Variants in KMT2B observed in about 807,000 individuals in gnomAD.
KMT2B encodes the protein lysine methyltransferase 2B.
Under a neutral mutation model 255.3 loss-of-function variants are expected in KMT2B, and 22 were observed. The observed-to-expected ratio is 0.09, with a 90% CI of 0.06 to 0.12. The LOEUF is 0.12. KMT2B is among the 10% of genes least tolerant of loss of function. KMT2B has a pLI of 1.00. For missense variants in KMT2B, 3,149 were observed against 3,737.0 expected (o/e 0.84, Z 4.10); for synonymous variants, 1,730 against 1,498.1 (o/e 1.15, Z -3.57).
intron 22 of KMT2B, 60 bp downstream of exon 22, chr19:35,729,356 G>A: frequency 2.0e-6 from 3 of 1,537,664 alleles, no homozygotes; most frequent in Non-Finnish European, 1.8e-6. Context: ...GCCTCCTCCG[G>A]TGCAAACAGC....
Position 35,732,283 on chromosome 19 carries a change from C to G in KMT2B, c.5734C>G (p.Arg1912Gly). ...CCCGGACTTCCCAGCTCCCCCCAGA[C>G]GTTCCCGTCGTCCCAGCCCTTTGGC... ...GDPDFPAPPR[R>G]SRRPSPLAPR... Residue 1912 changes from arginine (R) to glycine (G), a missense_variant, in exon 28 of 37, where the codon CGT becomes GGT. Around this residue, in one of 18 missense-constraint regions of KMT2B, gnomAD observed 897 missense variants for 825.3 expected, o/e 1.09. Coordinates refer to ENST00000420124, the MANE Select transcript of KMT2B (RefSeq NM_014727.3). The G allele has an allele frequency of 6.2e-7, 1 of 1,610,648 alleles. No individual in the cohort carries two copies. The highest frequency in any genetic ancestry group is 8.5e-7 in the Non-Finnish European group (1 of 1,178,516).
In KMT2B at chr19:35,718,217, C is replaced by T. The variant is rs1568365816; in HGVS notation, c.199C>T (p.Leu67=). The change falls in exon 1 of 37, where the codon CTG becomes TTG. Residue 67 remains leucine, a synonymous_variant. Coordinates refer to ENST00000420124, the MANE Select transcript of KMT2B (RefSeq NM_014727.3). The surrounding 1 kb of genome is among the most constrained non-coding windows in gnomAD (Gnocchi z 5.0). Reference sequence around the variant, plus strand: ...AGCCGAGCCCGGGGAGGACACGGCCCTGCTCCGTTTGCTGGGGCTCCGCCG... The same window carrying T: ...AGCCGAGCCCGGGGAGGACACGGCCTTGCTCCGTTTGCTGGGGCTCCGCCG... ...GGAEPGEDTA[L]LRLLGLRRGL... 8.5e-7 allele frequency: 1 copy of T among 1,170,720 alleles called. No individual in the cohort carries two copies. Among genetic ancestry groups the T allele is most frequent in the South Asian group, 4.2e-5 (1 of 23,800 alleles). The allele number at this position is 1,170,720 out of a possible 1,614,324, so 72.5% of individuals were successfully genotyped here.
rs1969039357 is a variant in KMT2B at position 35,718,350 on chromosome 19, A to T, written c.332A>T (p.Glu111Val). 1.6e-6 allele frequency: 2 copies of T among 1,262,078 alleles called. No homozygotes were observed. Among genetic ancestry groups the T allele is most frequent in the Admixed American group, 7.6e-5 (2 of 26,462 alleles). 78.2% of individuals were successfully genotyped at this position (1,262,078 alleles called of 1,614,324 possible). The change falls in exon 1 of 37, where the codon GAG (glutamate) becomes GTG (valine). Residue 111 changes from glutamate to valine, a missense_variant. Transcript: ENST00000420124. The surrounding 1 kb of genome is among the most constrained non-coding windows in gnomAD (Gnocchi z 5.0). ...CCGAGTCGAGGCTGCGTGCCGGAGGAGGAGAGCAGTGACGGGGAATCCGAC... is the reference window on the plus strand; with the variant it reads ...CCGAGTCGAGGCTGCGTGCCGGAGGTGGAGAGCAGTGACGGGGAATCCGAC... ...WGPSRGCVPE[E>V]ESSDGESDEE...
chr19:35,727,428 G>A lies in KMT2B; in HGVS notation c.4118-10G>A. 6.2e-7 allele frequency: 1 copy of A among 1,613,188 alleles called. No homozygotes were observed. The highest frequency in any genetic ancestry group is 1.1e-5 in the South Asian group (1 of 91,082). On this transcript the variant is annotated splice_polypyrimidine_tract_variant and intron_variant, in intron 15 of 36. Coordinates refer to ENST00000420124, the MANE Select transcript of KMT2B (RefSeq NM_014727.3). The surrounding 1 kb of genome is among the most constrained non-coding windows in gnomAD (Gnocchi z 4.2). ...AAACCACTTTTCCCTTTCCCACTTG[G>A]CTATCCTAGATGAAGACTACGAGAT...
intron 8 of KMT2B, among the ~76,000 whole-genome samples, 174 bp downstream of exon 8, chr19:35,724,181 C>T (rs1166430640): frequency 6.6e-6 from 1 of 152,096 alleles, no homozygotes; most frequent in African/African-American, 2.4e-5. Context: ...ATGAGGTTCT[C>T]AGTGAGCCTA....
At position 35,732,829 on chromosome 19, in the gene KMT2B, G is replaced by A; in HGVS notation, c.6280G>A (p.Gly2094Arg). 6.2e-7 allele frequency: 1 copy of A among 1,607,244 alleles called. No homozygotes were observed. ...PPSGPGVVRA[G>R]VLGAAGDRAR... ...TTCGGGGCCAGGAGTAGTCCGGGCA[G>A]GGGTCCTTGGGGCTGCAGGGGACAG... Residue 2094 changes from glycine (G) to arginine (R), a missense_variant, in exon 28 of 37, where the codon GGG (glycine) becomes AGG (arginine). Physicochemically the swap from Gly to Arg is moderately radical, Grantham distance 125. This residue lies in a region of KMT2B where 897 missense variants were observed against 825.3 expected (regional missense o/e 1.09). Coordinates refer to ENST00000420124, the MANE Select transcript of KMT2B (RefSeq NM_014727.3).
In KMT2B at chr19:35,721,260, C is replaced by T; in HGVS notation, c.1913C>T (p.Ala638Val). The change falls in exon 3 of 37, where the codon GCC (alanine) becomes GTC (valine). Residue 638 changes from alanine to valine, a missense_variant. Coordinates refer to ENST00000420124, the MANE Select transcript of KMT2B (RefSeq NM_014727.3). The stretch of plus-strand genomic sequence containing the variant: ...GCCCCCTCCCCACCCCCTGCTCCTG[C>T]CACCTCCTCCCGGAGGCCCCTACTC... Reference protein sequence around the residue: ...PPAPSPPPAPATSSRRPLLLR... With the variant: ...PPAPSPPPAPVTSSRRPLLLR... The T allele has an allele frequency of 4.6e-6, 7 of 1,526,418 alleles. No homozygotes were observed. Among genetic ancestry groups the T allele is most frequent in the Non-Finnish European group, 6.2e-6 (7 of 1,137,294 alleles). The allele number at this position is 1,526,418 out of a possible 1,614,324, so 94.6% of individuals were successfully genotyped here.
In KMT2B at chr19:35,727,268, A is replaced by G. The variant is rs1207359065; in HGVS notation, c.4116A>G (p.Ser1372=). 5 of 1,611,604 alleles carry G rather than the reference A, an allele frequency of 3.1e-6. No individual in the cohort carries two copies. The East Asian group carries it at 8.9e-5, about 29-fold the overall frequency. Reference sequence around the variant, plus strand: ...TGCATGCCAAGTGCGAGGGGCTCTCAGGTGAGTCAGTGGAGCACCTGGGCT... The same window carrying G: ...TGCATGCCAAGTGCGAGGGGCTCTCGGGTGAGTCAGTGGAGCACCTGGGCT... The part of the protein sequence containing the change: ...HWVHAKCEGL[S]DEDYEILSGL... Residue 1372 remains serine, a splice_region_variant and synonymous_variant, in exon 15 of 37, where the codon TCA becomes TCG. Coordinates refer to ENST00000420124, the MANE Select transcript of KMT2B (RefSeq NM_014727.3). This position sits in a 1 kb window ranked among gnomAD's most constrained non-coding sequence, Gnocchi z 4.2.
Position 35,728,908 on chromosome 19 carries a change from C to G in KMT2B, c.4687+19C>G. On this transcript the variant is annotated intron_variant, in intron 20 of 36. Coordinates refer to ENST00000420124, the MANE Select transcript of KMT2B (RefSeq NM_014727.3). ...TCAGCAGGTACTGGGAAGTGGGGGT[C>G]CAGAAGCCAGGGCCCTGTGTTGGTG... 1.9e-6 allele frequency: 3 copies of G among 1,612,358 alleles called. No individual in the cohort carries two copies. Among genetic ancestry groups the G allele is most frequent in the Non-Finnish European group, 2.5e-6 (3 of 1,178,434 alleles).
At chr19:35,728,649 C>G in intron 19 of KMT2B, 125 bp from the exon 20 acceptor site, 1 of 715,736 alleles carries the variant, frequency 1.4e-6, no homozygotes, top group Non-Finnish European at 2.5e-6. Flanking sequence ...ATTTGGTGGA[C>G]TGAGAGAAAT....
chr19:35,721,257 C>T lies in KMT2B; in HGVS notation c.1910C>T (p.Pro637Leu). 6.5e-7 allele frequency: 1 copy of T among 1,530,512 alleles called. No homozygotes were observed. Among genetic ancestry groups the T allele is most frequent in the Non-Finnish European group, 8.8e-7 (1 of 1,139,360 alleles). 94.8% of individuals were successfully genotyped at this position (1,530,512 alleles called of 1,614,324 possible). The change falls in exon 3 of 37, where the codon CCT becomes CTT. Residue 637 changes from proline (P) to leucine (L), a missense_variant. Around this residue, in one of 18 missense-constraint regions of KMT2B, gnomAD observed 1,188 missense variants for 1,106.4 expected, o/e 1.07. Transcript: ENST00000420124. ...CCGGCCCCCTCCCCACCCCCTGCTC[C>T]TGCCACCTCCTCCCGGAGGCCCCTA... ...PPPAPSPPPAPATSSRRPLLL... is the reference protein window; with the variant it reads ...PPPAPSPPPALATSSRRPLLL...
chr19:35,723,555 G>A lies in KMT2B; in HGVS notation c.3058+53G>A. 6.7e-7 allele frequency: 1 copy of A among 1,496,156 alleles called. No individual in the cohort carries two copies. Among genetic ancestry groups the A allele is most frequent in the African/African-American group, 1.4e-5 (1 of 71,538 alleles). The allele number at this position is 1,496,156 out of a possible 1,614,324, so 92.7% of individuals were successfully genotyped here. On this transcript the variant is annotated intron_variant, in intron 7 of 36. Coordinates refer to ENST00000420124, the MANE Select transcript of KMT2B (RefSeq NM_014727.3). This position sits in a 1 kb window ranked among gnomAD's most constrained non-coding sequence, Gnocchi z 7.5. Reference sequence around the variant, plus strand: ...TCAAAACCGTGTTAGAGTTTGTGCTGTGGAGGGAGCTGTTTTTCTTTGCTC... The same window carrying A: ...TCAAAACCGTGTTAGAGTTTGTGCTATGGAGGGAGCTGTTTTTCTTTGCTC...
chr19:35,720,145 G>T lies in KMT2B; in HGVS notation c.798G>T (p.Trp266Cys), dbSNP rs1476148473. The T allele has an allele frequency of 1.3e-6, 2 of 1,599,382 alleles. No homozygotes were observed. The highest frequency in any genetic ancestry group is 1.7e-6 in the Non-Finnish European group (2 of 1,173,392). ...CAGTGAAACATCAGACTGGCAGCTG[G>T]AAATGCAAGGAGGGGCCCGGTCCAG... The part of the protein sequence containing the change: ...VVPVKHQTGS[W>C]KCKEGPGPGP... The change falls in exon 3 of 37, where the codon TGG becomes TGT. Residue 266 changes from tryptophan (W) to cysteine (C), a missense_variant. Physicochemically the swap from Trp to Cys is radical, Grantham distance 215. Coordinates refer to ENST00000420124, the MANE Select transcript of KMT2B (RefSeq NM_014727.3).
rs767720772 is a variant in KMT2B, at chr19:35,725,679, C to T, written c.3790-44C>T. 2 of 1,613,086 alleles carry T rather than the reference C, an allele frequency of 1.2e-6. No individual in the cohort carries two copies. The highest frequency in any genetic ancestry group is 1.7e-6 in the Non-Finnish European group (2 of 1,179,516). On this transcript the variant is annotated intron_variant, in intron 12 of 36. Coordinates refer to ENST00000420124, the MANE Select transcript of KMT2B (RefSeq NM_014727.3). This position sits in a 1 kb window ranked among gnomAD's most constrained non-coding sequence, Gnocchi z 4.1. ...GTGGAGGCCTGAAGGTGAGGGCATC[C>T]CTGTGCCAGCAGGTTTCGCCATCTC...
chr19:35,728,069 T>C (rs878873180), intron 18 of KMT2B, 29 bp from the exon 19 acceptor site: 1 of 1,577,934 alleles, frequency 6.3e-7, no homozygotes, highest in East Asian at 2.3e-5. Context: ...GGAAGCTGGC[T>C]CTTCTCATCC....
At position 35,723,012 on chromosome 19, in the gene KMT2B, G is replaced by A. The variant is rs775884502; in HGVS notation, c.2740G>A (p.Glu914Lys). The A allele has an allele frequency of 3.1e-6, 5 of 1,604,734 alleles. No homozygotes were observed. The highest frequency in any genetic ancestry group is 4.3e-6 in the Non-Finnish European group (5 of 1,174,082). ...TGCAATAGATACATCATCGGCGTCC[G>A]AGACTGAGAGTGTCCCGTCACGGTC... The part of the protein sequence containing the change: ...LATEDTSSAS[E>K]TESVPSRSRR... Residue 914 changes from glutamate (E) to lysine (K), a missense_variant, in exon 6 of 37, where the codon GAG becomes AAG. Glu to Lys is a moderately conservative substitution (Grantham distance 56). This residue lies in a region of KMT2B where 132 missense variants were observed against 174.7 expected (regional missense o/e 0.76). Coordinates refer to ENST00000420124, the MANE Select transcript of KMT2B (RefSeq NM_014727.3). This position sits in a 1 kb window ranked among gnomAD's most constrained non-coding sequence, Gnocchi z 7.5.
rs776148419 is a variant in KMT2B, at chr19:35,720,237, G to A, written c.890G>A (p.Arg297Gln). 1.1e-5 allele frequency: 18 copies of A among 1,612,060 alleles called. No homozygotes were observed. The highest frequency in any genetic ancestry group is 9.9e-5 in the South Asian group (9 of 90,756). ...RGGRGGRGRG[R>Q]GGGLPFVIKF... is the part of the protein sequence containing the mutation. Reference sequence around the variant, plus strand: ...GGCCGTGGAGGCAGGGGCCGCGGCCGAGGTGGTGGGCTCCCCTTTGTGATC... The same window carrying A: ...GGCCGTGGAGGCAGGGGCCGCGGCCAAGGTGGTGGGCTCCCCTTTGTGATC... Residue 297 changes from arginine to glutamine, a missense_variant, in exon 3 of 37, where the codon CGA becomes CAA. Around this residue, in one of 18 missense-constraint regions of KMT2B, gnomAD observed 1,188 missense variants for 1,106.4 expected, o/e 1.07. Coordinates refer to ENST00000420124, the MANE Select transcript of KMT2B (RefSeq NM_014727.3).
At chr19:35,736,861 G>T (rs1273236544) in intron 31 of KMT2B, 34 bp downstream of exon 31, 1 of 1,613,904 alleles carries the variant, frequency 6.2e-7, no homozygotes, top group Admixed American at 1.7e-5. Context: ...AGGAGGGAGA[G>T]TGTCCATAAA....
In KMT2B at chr19:35,733,521, G is replaced by T; in HGVS notation, c.6959+13G>T. 1 of 1,553,040 alleles carries T rather than the reference G, an allele frequency of 6.4e-7. No homozygotes were observed. The highest frequency in any genetic ancestry group is 8.7e-7 in the Non-Finnish European group (1 of 1,148,372). On this transcript the variant is annotated intron_variant, in intron 28 of 36. Transcript: ENST00000420124. This position sits in a 1 kb window ranked among gnomAD's most constrained non-coding sequence, Gnocchi z 4.3. ...TTGGCAGTGGCGGGTGAGTGCGGGT[G>T]CTGAGGCTGGCAGAGCAGGCAAGGG...
Sources: gnomAD v4.1 joint callset for allele counts (sites outside exome capture counted in the v4.1 genomes callset) on GRCh38, gnomAD v4.1.1 for gene constraint, gnomAD v4.1.1 regional missense constraint, Gnocchi (gnomAD v3.1) non-coding constraint, MANE v1.5 for transcripts, NCBI Gene and HGNC (gene_info 2026-07-23, HGNC 2026-07-21) for gene names.